PIK3C3: variants seen among roughly 807,000 people sequenced by gnomAD.
The protein encoded by PIK3C3 is PI3-kinase type 3.
In PIK3C3, 95 loss-of-function variants were observed where a neutral mutation model predicts 126.1. The ratio of observed to expected loss-of-function variants is 0.75; its 90% confidence interval spans 0.64 to 0.89. The LOEUF (loss-of-function observed/expected upper bound fraction) is 0.89, where lower values mean the gene tolerates loss of function less well. Among genes scored for constraint, PIK3C3 ranks in the 40% least tolerant of loss-of-function variants. The pLI is 0.00. For missense variants in PIK3C3, 829 were observed against 1,063.2 expected (o/e 0.78, Z 3.06); for synonymous variants, 374 against 360.0 (o/e 1.04, Z -0.44).
At chr18:42,019,523 G>A (rs535888855) in intron 12 of PIK3C3, among the ~76,000 whole-genome samples, 1 of 152,190 alleles carries the variant, frequency 6.6e-6, no homozygotes, top group East Asian at 1.9e-4. Flanking sequence ...CTCTTCTCAT[G>A]GTTTAGGTGA....
intron 22 of PIK3C3, among the ~76,000 whole-genome samples, chr18:42,059,541 G>A (rs1410137553): frequency 6.6e-6 from 1 of 152,090 alleles, no homozygotes; most frequent in Non-Finnish European, 1.5e-5. Context: ...AAAGCAGAAG[G>A]AAAACAATGT....
At chr18:42,078,564 A>G (rs879426368) in intron 24 of PIK3C3, among the ~76,000 whole-genome samples, 3 of 152,162 alleles carry the variant, frequency 2.0e-5, no homozygotes, top group Non-Finnish European at 4.4e-5. Flanking sequence ...CACCAGCTGC[A>G]TTAGCCCCTA....
intron 22 of PIK3C3, among the ~76,000 whole-genome samples, chr18:42,062,076 G>C (rs1985339393): frequency 6.6e-6 from 1 of 152,080 alleles, no homozygotes. Context: ...CTAATGGGCA[G>C]CCAAGTTGGA....
Position 42,081,506 on chromosome 18 carries a change from C to G in PIK3C3, c.*369C>G, listed in dbSNP as rs1986249770. 1 of 200,640 alleles carries G rather than the reference C, an allele frequency of 5.0e-6. No homozygotes were observed. The highest frequency in any genetic ancestry group is 1.0e-5 in the Non-Finnish European group (1 of 99,192). The allele number at this position is 200,640 out of a possible 1,614,324, so 12.4% of individuals were successfully genotyped here. A position where few individuals can be genotyped will look rare whatever the true frequency, so the allele number is the denominator to read the frequency against. On this transcript the variant is annotated 3_prime_UTR_variant, in exon 25 of 25. Coordinates refer to ENST00000262039, the MANE Select transcript of PIK3C3 (RefSeq NM_002647.4). ...AAAATGTTATTTTTTCCTCTTATAT[C>G]TTCATATCAGGACAGCAGTAACCTG...
intron 3 of PIK3C3, among the ~76,000 whole-genome samples, chr18:41,965,742 T>G (rs1322596161): frequency 6.6e-6 from 1 of 152,186 alleles, no homozygotes; most frequent in African/African-American, 2.4e-5. Flanking sequence ...GGTGCCCACT[T>G]TATTTGTAAT....
rs147434613 is a variant in PIK3C3 at position 42,058,047 on chromosome 18, C to T, written c.2428C>T (p.Arg810Ter). 1.2e-5 allele frequency: 19 copies of T among 1,574,554 alleles called. No individual in the cohort carries two copies. The highest frequency in any genetic ancestry group is 4.1e-5 in the African/African-American group (3 of 72,732). The change falls in exon 22 of 25, where the codon CGA becomes TGA. Residue 810 changes from arginine (R) to a stop codon, truncating the protein, a stop_gained. Coordinates refer to ENST00000262039, the MANE Select transcript of PIK3C3 (RefSeq NM_002647.4). LOFTEE classifies it high-confidence loss of function. ...KQCYTAFLHL[R>*]RYSNLILNLF... ...GTGTTACACGGCTTTCCTCCACCTGCGAAGGTAAGTTGATTTGCTTGGCAC... is the reference window on the plus strand; with the variant it reads ...GTGTTACACGGCTTTCCTCCACCTGTGAAGGTAAGTTGATTTGCTTGGCAC...
At chr18:42,078,588 C>A (rs1986123395) in intron 24 of PIK3C3, among the ~76,000 whole-genome samples, 1 of 151,888 alleles carries the variant, frequency 6.6e-6, no homozygotes, top group Admixed American at 6.6e-5. Flanking sequence ...AGAAAGTCAG[C>A]CTGTTTTGAA....
intron 7 of PIK3C3, among the ~76,000 whole-genome samples, chr18:41,994,033 A>G (rs1568126709): frequency 6.6e-6 from 1 of 152,124 alleles, no homozygotes. Context: ...TTTTTGTTCT[A>G]ATTTTATACA....
intron 7 of PIK3C3, among the ~76,000 whole-genome samples, chr18:41,994,125 G>C (rs1032265608): frequency 3.3e-5 from 5 of 152,058 alleles, no homozygotes; most frequent in African/African-American, 9.7e-5. Context: ...CATGATGATT[G>C]AGATAAGTAC....
chr18:41,987,211 A>G (rs994603978), intron 4 of PIK3C3, among the ~76,000 whole-genome samples: 7 of 152,042 alleles, frequency 4.6e-5, no homozygotes, highest in Admixed American at 2.0e-4. Context: ...TATGGATTTG[A>G]AGAGTCAATG....
intron 4 of PIK3C3, among the ~76,000 whole-genome samples, chr18:41,986,691 A>T (rs1242948412): frequency 1.3e-5 from 2 of 152,050 alleles, no homozygotes; most frequent in Non-Finnish European, 2.9e-5. Flanking sequence ...TTTGTCTATT[A>T]TTCCACCAGA....
chr18:42,076,129 T>TATATATATATATGCAC (rs1985991560), intron 24 of PIK3C3, among the ~76,000 whole-genome samples: 8 of 81,728 alleles, frequency 9.8e-5, no homozygotes, highest in African/African-American at 1.7e-4. Context: ...TATGCGCATA[T>TATATATATATATGCAC]ATATATATAT....
intron 4 of PIK3C3, among the ~76,000 whole-genome samples, chr18:41,986,843 A>T (rs561245131): frequency 6.6e-6 from 1 of 152,212 alleles, no homozygotes; most frequent in African/African-American, 2.4e-5. Flanking sequence ...TTTTTATTAC[A>T]ATGAACTTCA....
At position 42,049,552 on chromosome 18, in the gene PIK3C3, A is replaced by G. The variant is rs1225452013; in HGVS notation, c.2210A>G (p.Tyr737Cys). The stretch of plus-strand genomic sequence containing the variant: ...GCAGCTGGATATTGCGTGATCACCT[A>G]TATACTTGGAGTTGGAGACAGGCAC... ...KSCAGYCVIT[Y>C]ILGVGDRHLD... The change falls in exon 21 of 25, where the codon TAT (tyrosine) becomes TGT (cysteine). Residue 737 changes from tyrosine to cysteine, a missense_variant. Tyr to Cys is a radical substitution (Grantham distance 194). Around this residue, in one of 4 missense-constraint regions of PIK3C3, gnomAD observed 196 missense variants for 312.8 expected, o/e 0.63. Transcript: ENST00000262039. The G allele has an allele frequency of 5.0e-6, 8 of 1,613,776 alleles. No individual in the cohort carries two copies. The highest frequency in any genetic ancestry group is 1.7e-5 in the Admixed American group (1 of 60,020).
intron 21 of PIK3C3, among the ~76,000 whole-genome samples, chr18:42,055,047 C>A (rs1985000931): frequency 6.6e-6 from 1 of 151,934 alleles, no homozygotes; most frequent in South Asian, 2.1e-4. Context: ...GTATTTGACT[C>A]CTCCAAATCT....
intron 7 of PIK3C3, among the ~76,000 whole-genome samples, chr18:41,995,071 G>T (rs370573497): frequency 6.6e-6 from 1 of 152,016 alleles, no homozygotes; most frequent in Admixed American, 6.6e-5. Flanking sequence ...TTTACTGTCA[G>T]TGTAGGGAAA....
intron 22 of PIK3C3, among the ~76,000 whole-genome samples, chr18:42,061,580 T>G (rs983796083): frequency 2.1e-5 from 3 of 145,314 alleles, no homozygotes; most frequent in African/African-American, 7.5e-5. Context: ...AGACTCCATC[T>G]AAAAAAAAAA....
At chr18:42,052,896 G>A (rs1984866810) in intron 21 of PIK3C3, 1 of 152,122 alleles carries the variant, frequency 6.6e-6, no homozygotes, top group Non-Finnish European at 1.5e-5. Context: ...GGCTGATGGA[G>A]CATTTTTTAA....
At chr18:42,077,422 G>C (rs1986072486) in intron 24 of PIK3C3, among the ~76,000 whole-genome samples, 1 of 152,188 alleles carries the variant, frequency 6.6e-6, no homozygotes, top group South Asian at 2.1e-4. Flanking sequence ...TTCAAAACTT[G>C]CTGTTGCTTT....
Sources: allele counts gnomAD v4.1 joint callset (sites outside exome capture counted in the v4.1 genomes callset), GRCh38; gene constraint gnomAD v4.1.1; regional missense constraint gnomAD v4.1.1; transcripts MANE v1.5; gene names NCBI Gene and HGNC (gene_info 2026-07-23, HGNC 2026-07-21).